Variants in TIA1 observed in about 807,000 individuals in gnomAD.
TIA1 encodes the protein cytotoxic granule associated RNA binding protein TIA1.
A neutral mutation model predicts 65.9 loss-of-function variants in TIA1; 23 were observed. That is an observed-to-expected ratio of 0.35 (90% CI 0.25 to 0.49). The LOEUF is 0.49. TIA1 is among the 20% of genes least tolerant of loss of function. TIA1 has a pLI of 0.98. For missense variants in TIA1, 371 were observed against 477.9 expected, an observed-to-expected ratio of 0.78 and a Z score of 2.09; for synonymous variants, 147 against 149.4, an observed-to-expected ratio of 0.98 and a Z score of 0.12.
chr2:70,231,869 T>C (rs962196866), intron 2 of TIA1, among the ~76,000 whole-genome samples: 3 of 152,188 alleles, frequency 2.0e-5, no homozygotes, highest in Non-Finnish European at 4.4e-5. Context: ...GAATGTGAAC[T>C]TTCTGACATC....
Position 70,248,386 on chromosome 2 carries a change from A to G in TIA1, c.26+19T>C, listed in dbSNP as rs1314604124. 6.3e-7 allele frequency: 1 copy of G among 1,598,100 alleles called. No homozygotes were observed. The highest frequency in any genetic ancestry group is 1.7e-5 in the Admixed American group (1 of 59,802). On this transcript the variant is annotated intron_variant, in intron 1 of 12. Transcript: ENST00000433529. ...GGACGACCACCATCCCGCCTCCCTC[A>G]TCGCTGCCCCAGACTCACAGAGTCT...
chr2:70,216,046 C>A, intron 10 of TIA1, 162 bp downstream of exon 10: 1 of 676,014 alleles, frequency 1.5e-6, no homozygotes, highest in Non-Finnish European at 2.4e-6. Flanking sequence ...GCCACCGCAC[C>A]CGGCCAAAAT....
At chr2:70,229,440 T>C (rs755281989) in intron 3 of TIA1, 122 bp from the exon 4 acceptor site, 40 of 800,460 alleles carry the variant, frequency 5.0e-5, no homozygotes, top group Non-Finnish European at 7.7e-5. Context: ...ATACCAGCTC[T>C]GGTCAAGTTT....
chr2:70,212,902 G>A (rs1676886095), intron 12 of TIA1, 57 bp from the exon 13 acceptor site: 3 of 1,170,012 alleles, frequency 2.6e-6, no homozygotes, highest in Admixed American at 1.7e-5. Flanking sequence ...TTAAAATAAA[G>A]TATTGGCAAG....
At chr2:70,237,189 G>A (rs1689347957) in intron 1 of TIA1, among the ~76,000 whole-genome samples, 1 of 152,096 alleles carries the variant, frequency 6.6e-6, no homozygotes, top group Admixed American at 6.5e-5. Context: ...GATCACCTGA[G>A]GCCAGGAGTT....
intron 7 of TIA1, among the ~76,000 whole-genome samples, chr2:70,222,572 CA>C (rs1681961976): frequency 1.3e-5 from 2 of 152,146 alleles, no homozygotes; most frequent in African/African-American, 4.8e-5. Flanking sequence ...ACAAATTTTA[CA>C]TAAGTTGAAA....
intron 5 of TIA1, 100 bp downstream of exon 5, chr2:70,228,959 C>A: frequency 6.0e-6 from 2 of 335,334 alleles, no homozygotes; most frequent in Non-Finnish European, 4.6e-6. Flanking sequence ...ATAATATCTC[C>A]TCCCGCCCCC....
chr2:70,222,576 A>T (rs1389961539), intron 7 of TIA1, among the ~76,000 whole-genome samples: 1 of 152,228 alleles, frequency 6.6e-6, no homozygotes, highest in Non-Finnish European at 1.5e-5. Context: ...ATTTTACATA[A>T]GTTGAAATTT....
chr2:70,216,234 A>G lies in TIA1; in HGVS notation c.738T>C (p.Phe246=), dbSNP rs567115305. ...GAACAAATGAATATCCTTTATCTGG[A>G]AAGACTCGAATTTCCATTATTTGTC... ...PFGQIMEIRV[F]PDKGYSFVRF... Residue 246 remains phenylalanine (F), a synonymous_variant, in exon 10 of 13, where the codon TTT becomes TTC. Coordinates refer to ENST00000433529, the MANE Select transcript of TIA1 (RefSeq NM_022173.4). 8.1e-5 allele frequency: 129 copies of G among 1,591,842 alleles called. No homozygotes were observed. The highest frequency in any genetic ancestry group is 1.7e-4 in the Middle Eastern group (1 of 5,996).
intron 1 of TIA1, among the ~76,000 whole-genome samples, chr2:70,245,945 T>C (rs1038848706): frequency 7.3e-6 from 1 of 137,618 alleles, no homozygotes; most frequent in African/African-American, 3.0e-5. Flanking sequence ...TTTTTTGAGA[T>C]GGAGCCTCCC....
chr2:70,235,584 T>G lies in TIA1; in HGVS notation c.123+495A>C, dbSNP rs1470711303. Among the ~76,000 whole-genome samples the G allele has an allele frequency of 3.4e-5, 4 of 116,332 alleles. No homozygotes were observed. The South Asian group carries it at 7.9e-4, about 23-fold the overall frequency. 76.3% of individuals were successfully genotyped at this position (116,332 alleles called of 152,430 possible). ...TGTGTGTGTGTGTATGTGTGTGTGT[T>G]TAATACATTGTCTCATAAATAGGAA... On this transcript the variant is annotated intron_variant, in intron 2 of 12. Transcript: ENST00000433529.
chr2:70,217,923 A>G (rs1679390967), intron 7 of TIA1, among the ~76,000 whole-genome samples: 1 of 152,248 alleles, frequency 6.6e-6, no homozygotes, highest in Non-Finnish European at 1.5e-5. Flanking sequence ...ACTATAGAAG[A>G]AAATCTTAAA....
At chr2:70,233,662 A>T (rs1687518007) in intron 2 of TIA1, among the ~76,000 whole-genome samples, 1 of 152,094 alleles carries the variant, frequency 6.6e-6, no homozygotes, top group Admixed American at 6.6e-5. Flanking sequence ...GCTACTTAGG[A>T]GGCTGAGGCA....
In TIA1 at chr2:70,216,400, A is replaced by T; in HGVS notation, c.679+4T>A. ...TTAATGCCACACAGGGAAGGCTCCC[A>T]TACCTGTTAGCCCAGAAGTAACACC... is the stretch of plus-strand genomic sequence containing the variant. On this transcript the variant is annotated splice_donor_region_variant and intron_variant, in intron 9 of 12. Coordinates refer to ENST00000433529, the MANE Select transcript of TIA1 (RefSeq NM_022173.4). 6.2e-7 allele frequency: 1 copy of T among 1,609,516 alleles called. No homozygotes were observed. Among genetic ancestry groups the T allele is most frequent in the Non-Finnish European group, 8.5e-7 (1 of 1,178,172 alleles).
At chr2:70,226,434 T>C (rs1464732480) in intron 6 of TIA1, among the ~76,000 whole-genome samples, 3 of 152,176 alleles carry the variant, frequency 2.0e-5, no homozygotes, top group African/African-American at 7.2e-5. Context: ...GAAAATTTTT[T>C]CTTCTTAAAG....
At position 70,248,587 on chromosome 2, in the gene TIA1, C is replaced by T. The variant is rs1418270271; in HGVS notation, c.-157G>A. On this transcript the variant is annotated 5_prime_UTR_variant, in exon 1 of 13. Coordinates refer to ENST00000433529, the MANE Select transcript of TIA1 (RefSeq NM_022173.4). ...CCGGCGGCAATTACACTAAACCGCC[C>T]GGCCCAGCGGGAACAATGAAACCCC... 10 of 1,036,800 alleles carry T rather than the reference C, an allele frequency of 9.6e-6. No homozygotes were observed. Among genetic ancestry groups the T allele is most frequent in the East Asian group, 2.6e-5 (1 of 38,196 alleles). The allele number at this position is 1,036,800 out of a possible 1,614,324, so 64.2% of individuals were successfully genotyped here. A position where few individuals can be genotyped will look rare whatever the true frequency, so the allele number is the denominator to read the frequency against.
At chr2:70,215,341 A>G (rs376339922) in intron 11 of TIA1, 30 bp downstream of exon 11, 469 of 1,611,424 alleles carry the variant, frequency 2.9e-4, no homozygotes, top group Non-Finnish European at 3.9e-4. Context: ...TAGCCCAACA[A>G]TTACTTCTCA....
chr2:70,215,661 G>T, intron 10 of TIA1, 167 bp from the exon 11 acceptor site: 1 of 591,296 alleles, frequency 1.7e-6, no homozygotes, highest in Non-Finnish European at 2.8e-6. Context: ...GGCAACTTGT[G>T]TTAACAAAGA....
chr2:70,234,870 T>C (rs538310203), intron 2 of TIA1, among the ~76,000 whole-genome samples: 20 of 152,052 alleles, frequency 1.3e-4, no homozygotes, highest in Admixed American at 6.6e-4. Flanking sequence ...AAATAATTAC[T>C]TTTAAAAATA....
Sources: gnomAD v4.1 joint callset for allele counts (sites outside exome capture counted in the v4.1 genomes callset) on GRCh38, gnomAD v4.1.1 for gene constraint, MANE v1.5 for transcripts, NCBI Gene and HGNC (gene_info 2026-07-23, HGNC 2026-07-21) for gene names.